The following ATAD2 variants were observed in gnomAD, a reference collection of about 807,000 sequenced individuals.
The protein encoded by ATAD2 is ATPase family AAA domain-containing protein 2.
A neutral mutation model predicts 168.9 loss-of-function variants in ATAD2; 62 were observed. The observed-to-expected ratio is 0.37, with a 90% CI of 0.30 to 0.45. ATAD2 has a LOEUF of 0.45. ATAD2 is among the 20% of genes least tolerant of loss of function. ATAD2 has a pLI of 1.00. For synonymous variants in ATAD2, 613 were observed against 571.6 expected, an observed-to-expected ratio of 1.07 and a Z score of -1.03; for missense variants, 1,419 against 1,667.8, an observed-to-expected ratio of 0.85 and a Z score of 2.60.
intron 18 of ATAD2, among the ~76,000 whole-genome samples, chr8:123,345,333 C>T (rs1828201276): frequency 6.6e-6 from 1 of 151,818 alleles, no homozygotes; most frequent in African/African-American, 2.4e-5. Context: ...CAAAAGTAAA[C>T]AAAACTACAA....
At chr8:123,356,324 T>C in intron 13 of ATAD2, 65 bp downstream of exon 13, 24 of 1,330,410 alleles carry the variant, frequency 1.8e-5, no homozygotes, top group Non-Finnish European at 2.5e-5. Flanking sequence ...ACATTCTATC[T>C]CTCACACATC....
intron 2 of ATAD2, among the ~76,000 whole-genome samples, chr8:123,373,833 T>G (rs576927446): frequency 5.2e-4 from 79 of 150,976 alleles, no homozygotes; most frequent in Non-Finnish European, 1.1e-3. Flanking sequence ...AAACAGTATG[T>G]GCCATTAATT....
chr8:123,358,597 T>C (rs1828717119), intron 11 of ATAD2, among the ~76,000 whole-genome samples: 1 of 152,074 alleles, frequency 6.6e-6, no homozygotes, highest in South Asian at 2.1e-4. Context: ...CCACCTACCT[T>C]GACCTCTCAA....
chr8:123,361,399 C>T (rs1247737205), intron 9 of ATAD2, 140 bp downstream of exon 9: 1 of 531,960 alleles, frequency 1.9e-6, no homozygotes, highest in Admixed American at 2.7e-5. Context: ...TCTAACAAGA[C>T]AGCATTCTAG....
At chr8:123,342,712 T>A (rs1409639161) in intron 19 of ATAD2, among the ~76,000 whole-genome samples, 1 of 152,198 alleles carries the variant, frequency 6.6e-6, no homozygotes, top group South Asian at 2.1e-4. Context: ...CCTAGCTTAT[T>A]TAACTTGGAG....
intron 2 of ATAD2, among the ~76,000 whole-genome samples, chr8:123,378,727 C>CAAAAAAAAAAAAAAAAAAAAA (rs1554646643): frequency 1.3e-4 from 12 of 91,042 alleles, no homozygotes; most frequent in African/African-American, 4.8e-4. Context: ...AAAAAAAAAT[C>CAAAAAAAAAAAAAAAAAAAAA]AAAATTCCAT....
chr8:123,360,907 G>C (rs1290714444), intron 9 of ATAD2, among the ~76,000 whole-genome samples: 1 of 145,614 alleles, frequency 6.9e-6, no homozygotes, highest in Non-Finnish European at 1.5e-5. Context: ...TTTTCCTTAA[G>C]AGTTCCTCAG....
chr8:123,389,012 G>A (rs1275126385), intron 1 of ATAD2, among the ~76,000 whole-genome samples: 1 of 148,494 alleles, frequency 6.7e-6, no homozygotes, highest in African/African-American at 2.5e-5. Flanking sequence ...TGTCGCCCAC[G>A]CTGAAGTGCA....
chr8:123,389,433 A>T (rs1310436906), intron 1 of ATAD2, among the ~76,000 whole-genome samples: 2 of 150,032 alleles, frequency 1.3e-5, no homozygotes, highest in Non-Finnish European at 1.5e-5. Context: ...AAGTCGGGAG[A>T]TTGAGACCAT....
At chr8:123,396,533 A>C, upstream of ATAD2, 2 of 623,184 alleles carry the variant, frequency 3.2e-6, no homozygotes, top group Non-Finnish European at 5.4e-6. Context: ...CCACCGTAGA[A>C]CAGCAGGCTC....
intron 1 of ATAD2, among the ~76,000 whole-genome samples, chr8:123,394,024 G>A (rs1245842254): frequency 6.6e-6 from 1 of 152,110 alleles, no homozygotes; most frequent in Non-Finnish European, 1.5e-5. Flanking sequence ...TTTTGAAAGT[G>A]GAGCCAACAG....
At chr8:123,334,105 C>G in intron 23 of ATAD2, 84 bp from the exon 24 acceptor site, 1 of 1,556,432 alleles carries the variant, frequency 6.4e-7, no homozygotes, top group South Asian at 1.2e-5. Context: ...CAAAATACAT[C>G]TGAAGCATCC....
At chr8:123,337,219 T>G (rs1397933239) in intron 21 of ATAD2, among the ~76,000 whole-genome samples, 1 of 151,828 alleles carries the variant, frequency 6.6e-6, no homozygotes, top group Admixed American at 6.6e-5. Flanking sequence ...AAAAATTAGC[T>G]GGACGTGGTG....
rs146202950 is a variant in ATAD2 at position 123,391,883 on chromosome 8, A to T, written c.171+4304T>A. 1.6e-3 allele frequency among the ~76,000 whole-genome samples: 248 copies of T among 152,340 alleles called. 1 individual carries two copies. The highest frequency in any genetic ancestry group is 5.8e-3 in the African/African-American group (243 of 41,572). On this transcript the variant is annotated intron_variant, in intron 1 of 27. Coordinates refer to ENST00000287394, the MANE Select transcript of ATAD2 (RefSeq NM_014109.4). ...ATGCTCATTATGTAACACTGTGATT[A>T]TAATTTGGTCTACACAGACACCTTG...
rs1207239953 is a variant in ATAD2, at chr8:123,346,608, A to G, written c.2345+10T>C. On this transcript the variant is annotated intron_variant, in intron 17 of 27. Coordinates refer to ENST00000287394, the MANE Select transcript of ATAD2 (RefSeq NM_014109.4). Reference sequence around the variant, plus strand: ...CATGCAAAAAACATTGATTTGCAAGAAAAATATACCTATTCAAATGAAGAA... The same window carrying G: ...CATGCAAAAAACATTGATTTGCAAGGAAAATATACCTATTCAAATGAAGAA... 1.3e-6 allele frequency: 2 copies of G among 1,525,372 alleles called. No individual in the cohort carries two copies. Among genetic ancestry groups the G allele is most frequent in the African/African-American group, 2.8e-5 (2 of 70,844 alleles). The allele number at this position is 1,525,372 out of a possible 1,614,324, so 94.5% of individuals were successfully genotyped here. A position where few individuals can be genotyped will look rare whatever the true frequency, so the allele number is the denominator to read the frequency against.
chr8:123,406,778 C>T (rs1813073389), intron 1 of ATAD2, among the ~76,000 whole-genome samples: 1 of 149,576 alleles, frequency 6.7e-6, no homozygotes, highest in South Asian at 2.1e-4. Flanking sequence ...GATCTCGCCA[C>T]TGCACTTTAG....
Position 123,346,051 on chromosome 8 carries a change from C to T in ATAD2, c.2532+35G>A, listed in dbSNP as rs200259928. 3.7e-5 allele frequency: 51 copies of T among 1,390,894 alleles called. No individual in the cohort carries two copies. The East Asian group carries it at 1.2e-3, about 33-fold the overall frequency. 86.2% of individuals were successfully genotyped at this position (1,390,894 alleles called of 1,614,324 possible). ...AATTTTAGCTTTTGCCTCTGAAAGC[C>T]TGTTTTGTCTTATACTTGGGCACCA... On this transcript the variant is annotated intron_variant, in intron 18 of 27. Coordinates refer to ENST00000287394, the MANE Select transcript of ATAD2 (RefSeq NM_014109.4).
intron 13 of ATAD2, among the ~76,000 whole-genome samples, chr8:123,355,467 G>T (rs1828611949): frequency 6.6e-6 from 1 of 152,184 alleles, no homozygotes; most frequent in South Asian, 2.1e-4. Flanking sequence ...TGGGACAATA[G>T]CACTTGTAAA....
rs1350999124 is a variant in ATAD2 at position 123,328,482 on chromosome 8, A to T, written c.3576T>A (p.Asn1192Lys). 6.2e-7 allele frequency: 1 copy of T among 1,607,612 alleles called. No individual in the cohort carries two copies. Among genetic ancestry groups the T allele is most frequent in the South Asian group, 1.1e-5 (1 of 88,936 alleles). ...CACTCTCAATTTTGTGATCTATGGCATTCTGGCTATCATCCTTTGCCTGTG... is the reference window on the plus strand; with the variant it reads ...CACTCTCAATTTTGTGATCTATGGCTTTCTGGCTATCATCCTTTGCCTGTG... ...KISQAKDDSQ[N>K]AIDHKIESDT... The change falls in exon 25 of 28, where the codon AAT (asparagine) becomes AAA (lysine). Residue 1192 changes from asparagine (N) to lysine (K), a missense_variant. Coordinates refer to ENST00000287394, the MANE Select transcript of ATAD2 (RefSeq NM_014109.4).
Sources: allele counts gnomAD v4.1 joint callset (sites outside exome capture counted in the v4.1 genomes callset), GRCh38; gene constraint gnomAD v4.1.1; transcripts MANE v1.5; gene names NCBI Gene and HGNC (gene_info 2026-07-23, HGNC 2026-07-21).